Variants in SLC4A10 observed in about 807,000 individuals in gnomAD.
SLC4A10 encodes solute carrier family 4 member 10.
SLC4A10 carries 42 observed loss-of-function variants against 137.7 expected under a neutral mutation model. That is an observed-to-expected ratio of 0.30 (90% confidence interval 0.24 to 0.39). SLC4A10 has a LOEUF of 0.39. Ranked by LOEUF, SLC4A10 falls within the 10% of genes least tolerant of loss-of-function variation. SLC4A10 has a pLI of 1.00. For missense variants in SLC4A10, 925 were observed against 1,355.0 expected, an observed-to-expected ratio of 0.68 and a Z score of 4.98; for synonymous variants, 474 against 464.1, an observed-to-expected ratio of 1.02 and a Z score of -0.27.
intron 2 of SLC4A10, among the ~76,000 whole-genome samples, chr2:161,787,026 A>T (rs537452898): frequency 2.0e-4 from 31 of 152,062 alleles, no homozygotes; most frequent in Non-Finnish European, 4.0e-4. Flanking sequence ...TTTATGACAT[A>T]AAAGAGTATA....
Position 161,983,396 on chromosome 2 carries a change from T to C in SLC4A10, c.*244T>C, listed in dbSNP as rs963310296. On this transcript the variant is annotated 3_prime_UTR_variant, in exon 27 of 27. Coordinates refer to ENST00000446997, the MANE Select transcript of SLC4A10 (RefSeq NM_001178015.2). ...GCAATACTTGTTTCATTTCTGTGTT[T>C]AAACTTCTGAGCAGTGAGACATCCC... 3 of 671,596 alleles carry C rather than the reference T, an allele frequency of 4.5e-6. No individual in the cohort carries two copies. Among genetic ancestry groups the C allele is most frequent in the Admixed American group, 5.8e-5 (2 of 34,368 alleles). 41.6% of individuals were successfully genotyped at this position (671,596 alleles called of 1,614,324 possible).
chr2:161,762,860 TA>T (rs35036416), intron 1 of SLC4A10, among the ~76,000 whole-genome samples: 66 of 152,142 alleles, frequency 4.3e-4, no homozygotes, highest in Middle Eastern at 3.4e-3. Context: ...GAAAAACACT[TA>T]AAAAACTAGC....
intron 2 of SLC4A10, among the ~76,000 whole-genome samples, chr2:161,780,013 G>A (rs925021445): frequency 6.6e-6 from 1 of 151,998 alleles, no homozygotes; most frequent in Non-Finnish European, 1.5e-5. Flanking sequence ...CTGCTACTCA[G>A]TGTACTACAA....
chr2:161,793,202 A>T (rs1454519271), intron 2 of SLC4A10, among the ~76,000 whole-genome samples: 2 of 152,192 alleles, frequency 1.3e-5, no homozygotes, highest in African/African-American at 2.4e-5. Flanking sequence ...TATGTACAAC[A>T]TGATGCTTTG....
chr2:161,880,019 A>G (rs6729402), intron 9 of SLC4A10, among the ~76,000 whole-genome samples: 46,253 of 152,008 alleles, frequency 0.3, 7,367 homozygotes, highest in Admixed American at 0.39. Flanking sequence ...AAAAGAAAGG[A>G]AACACAGAAT....
intron 15 of SLC4A10, among the ~76,000 whole-genome samples, chr2:161,929,351 C>T (rs1048481396): frequency 6.6e-6 from 1 of 152,206 alleles, no homozygotes; most frequent in Non-Finnish European, 1.5e-5. Context: ...CACTATGCTT[C>T]TTTATGTTCA....
At chr2:161,918,879 G>A (rs72865282) in intron 15 of SLC4A10, among the ~76,000 whole-genome samples, 40 of 152,254 alleles carry the variant, frequency 2.6e-4, no homozygotes, top group Admixed American at 7.2e-4. Context: ...GAAGCCCCGC[G>A]CCTTCTGAGT....
intron 1 of SLC4A10, among the ~76,000 whole-genome samples, chr2:161,720,593 T>G (rs981028139): frequency 1.3e-5 from 2 of 152,154 alleles, no homozygotes; most frequent in African/African-American, 2.4e-5. Context: ...TTAGGACAGT[T>G]AGCTCCTCTT....
At chr2:161,645,229 A>ATT (rs5835874) in intron 1 of SLC4A10, among the ~76,000 whole-genome samples, 2 of 151,598 alleles carry the variant, frequency 1.3e-5, no homozygotes, top group Non-Finnish European at 1.5e-5. Flanking sequence ...AATTTCCAAT[A>ATT]TTTTTTTTCT....
intron 1 of SLC4A10, among the ~76,000 whole-genome samples, chr2:161,728,448 C>A (rs531835146): frequency 2.0e-5 from 3 of 151,662 alleles, no homozygotes; most frequent in Non-Finnish European, 4.4e-5. Context: ...TGGTGGTGTG[C>A]CCCTGTAGTC....
intron 2 of SLC4A10, among the ~76,000 whole-genome samples, chr2:161,791,435 G>T (rs1241717689): frequency 6.6e-6 from 1 of 152,120 alleles, no homozygotes; most frequent in African/African-American, 2.4e-5. Context: ...ATGGACACAT[G>T]AGAGGAAACA....
chr2:161,939,427 C>A (rs1019185747), intron 15 of SLC4A10, among the ~76,000 whole-genome samples: 5 of 152,138 alleles, frequency 3.3e-5, no homozygotes, highest in Non-Finnish European at 7.3e-5. Flanking sequence ...CACTCTACCT[C>A]CCTTTTCAAT....
chr2:161,631,487 G>T (rs1343796408), intron 1 of SLC4A10, among the ~76,000 whole-genome samples: 1 of 151,642 alleles, frequency 6.6e-6, no homozygotes, highest in African/African-American at 2.4e-5. Context: ...CCACAAATTT[G>T]ATTCTGTTTG....
At chr2:161,765,510 G>A (rs2050708062) in intron 1 of SLC4A10, among the ~76,000 whole-genome samples, 1 of 151,616 alleles carries the variant, frequency 6.6e-6, no homozygotes, top group African/African-American at 2.4e-5. Context: ...AGGAGGCTGA[G>A]GCAGGAGAAT....
chr2:161,966,143 G>A (rs1335612148), intron 23 of SLC4A10, among the ~76,000 whole-genome samples: 2 of 152,138 alleles, frequency 1.3e-5, no homozygotes, highest in African/African-American at 2.4e-5. Flanking sequence ...GGTCAGATCA[G>A]GCCATAAATC....
intron 3 of SLC4A10, among the ~76,000 whole-genome samples, chr2:161,812,653 G>A (rs935347834): frequency 6.6e-6 from 1 of 152,060 alleles, no homozygotes; most frequent in African/African-American, 2.4e-5. Flanking sequence ...TTTGCTTAGA[G>A]TAATGGCCTC....
chr2:161,641,352 A>AGTTC (rs2035296357), intron 1 of SLC4A10, among the ~76,000 whole-genome samples: 1 of 152,166 alleles, frequency 6.6e-6, no homozygotes, highest in Admixed American at 6.5e-5. Flanking sequence ...ACCAAAAGTC[A>AGTTC]TAATATATGA....
chr2:161,709,149 G>A (rs1239087277), intron 1 of SLC4A10, among the ~76,000 whole-genome samples: 1 of 151,390 alleles, frequency 6.6e-6, no homozygotes, highest in Non-Finnish European at 1.5e-5. Context: ...GATTAAGCCT[G>A]AATAGAGTCA....
chr2:161,888,472 G>C (rs2062556818), intron 10 of SLC4A10, among the ~76,000 whole-genome samples: 1 of 152,104 alleles, frequency 6.6e-6, no homozygotes, highest in Admixed American at 6.6e-5. Context: ...ATTTCCTCGA[G>C]CAGTGGTTTC....
Sources: gnomAD v4.1 joint callset for allele counts (sites outside exome capture counted in the v4.1 genomes callset) on GRCh38, gnomAD v4.1.1 for gene constraint, MANE v1.5 for transcripts, NCBI Gene and HGNC (gene_info 2026-07-23, HGNC 2026-07-21) for gene names.